The following PLXND1 variants were observed in gnomAD, a reference collection of about 807,000 sequenced individuals.
PLXND1 encodes the protein plexin D1.
PLXND1 carries 54 observed loss-of-function variants against 197.7 expected under a neutral mutation model. The observed-to-expected ratio is 0.27, with a 90% confidence interval of 0.22 to 0.34. The LOEUF is 0.34. PLXND1 is among the 10% of genes least tolerant of loss of function. The probability of loss-of-function intolerance (pLI) is 1.00; values close to 1 mark genes in which losing one functional copy is unlikely to be tolerated. For synonymous variants in PLXND1, 1,180 were observed against 1,161.2 expected (o/e 1.02, Z -0.33); for missense variants, 2,127 against 2,699.2 (o/e 0.79, Z 4.70).
intron 8 of PLXND1, 25 bp downstream of exon 8, chr3:129,583,542 G>A (rs532200116): frequency 2.1e-5 from 31 of 1,497,712 alleles, no homozygotes; most frequent in Admixed American, 1.1e-4. Flanking sequence ...CAGCAGAGGC[G>A]GAGGGGCCCC....
rs151013320 is a variant in PLXND1 at position 129,586,175 on chromosome 3, G to A, written c.1718C>T (p.Thr573Met). The change falls in exon 4 of 36, where the codon ACG becomes ATG. Residue 573 changes from threonine to methionine, a missense_variant. Around this residue, in one of 6 missense-constraint regions of PLXND1, gnomAD observed 1,095 missense variants for 1,259.8 expected, o/e 0.87. Coordinates refer to ENST00000324093, the MANE Select transcript of PLXND1 (RefSeq NM_015103.3). The stretch of plus-strand genomic sequence containing the variant: ...TGTTGCTGGTGTCCAGCCTCACCGC[G>A]TCTCCAGGGCACACCAGCCGCAGTA... The part of the protein sequence containing the change: ...DAYCGWCALE[T>M]RCTLQQDCTN... The A allele has an allele frequency of 5.5e-5, 89 of 1,607,034 alleles. No individual in the cohort carries two copies. The African/African-American group carries it at 7.7e-4, about 14-fold the overall frequency.
Position 129,594,478 on chromosome 3 carries a change from T to A in PLXND1, c.1312-4951A>T, listed in dbSNP as rs184163021. Reference sequence around the variant, plus strand: ...CAGTCTGGGTGACAGAGACCCTGTCTCGAAAAAATAAAAATAAAAAAACTG... The same window carrying A: ...CAGTCTGGGTGACAGAGACCCTGTCACGAAAAAATAAAAATAAAAAAACTG... On this transcript the variant is annotated intron_variant, in intron 1 of 35. Transcript: ENST00000324093. 8.9e-4 allele frequency among the ~76,000 whole-genome samples: 136 copies of A among 152,124 alleles called. 4 individuals carry two copies. The East Asian group carries it at 0.019, about 22-fold the overall frequency.
chr3:129,604,706 ACCTGCGTCC>A (rs1373345257), intron 1 of PLXND1, among the ~76,000 whole-genome samples: 2 of 152,140 alleles, frequency 1.3e-5, no homozygotes, highest in Non-Finnish European at 2.9e-5. Context: ...ATGCCCAAAT[ACCTGCGTCC>A]CCTGCCACGC....
chr3:129,597,966 G>A (rs946737744), intron 1 of PLXND1, among the ~76,000 whole-genome samples: 1 of 152,150 alleles, frequency 6.6e-6, no homozygotes, highest in Non-Finnish European at 1.5e-5. Flanking sequence ...CCGGGTGAGC[G>A]CCTCCGCCCC....
In PLXND1 at chr3:129,605,625, T is replaced by G; in HGVS notation, c.1015A>C (p.Ile339Leu). The part of the protein sequence containing the change: ...GDAKKLTESY[I>L]QLGLQCAGGA... ...CCCGCGCACTGCAAGCCCAACTGGATGTAGGACTCGGTGAGCTTCTTGGCG... is the reference window on the plus strand; with the variant it reads ...CCCGCGCACTGCAAGCCCAACTGGAGGTAGGACTCGGTGAGCTTCTTGGCG... Residue 339 changes from isoleucine to leucine, a missense_variant, in exon 1 of 36, where the codon ATC (isoleucine) becomes CTC (leucine). By Grantham distance (5) the Ile-to-Leu change is conservative. Coordinates refer to ENST00000324093, the MANE Select transcript of PLXND1 (RefSeq NM_015103.3). The G allele has an allele frequency of 6.5e-7, 1 of 1,537,534 alleles. No individual in the cohort carries two copies. The highest frequency in any genetic ancestry group is 1.2e-5 in the South Asian group (1 of 83,880).
intron 8 of PLXND1, among the ~76,000 whole-genome samples, chr3:129,579,896 C>T (rs1013566406): frequency 1.3e-5 from 2 of 152,178 alleles, no homozygotes; most frequent in Non-Finnish European, 2.9e-5. Flanking sequence ...AGCCCAAAAC[C>T]GGACCTCGAG....
chr3:129,567,790 C>A lies in PLXND1; in HGVS notation c.3881G>T (p.Cys1294Phe). Reference sequence around the variant, plus strand: ...ACGCTCAGCACGTCGGCTCTTGGTACAGAAGACGAACAGGGCTGCGGGCAG... The same window carrying A: ...ACGCTCAGCACGTCGGCTCTTGGTAAAGAAGACGAACAGGGCTGCGGGCAG... The part of the protein sequence containing the change: ...LLSVVALFVF[C>F]TKSRRAERYW... Residue 1294 changes from cysteine (C) to phenylalanine (F), a missense_variant, in exon 21 of 36, where the codon TGT (cysteine) becomes TTT (phenylalanine). Transcript: ENST00000324093. 2 of 1,611,398 alleles carry A rather than the reference C, an allele frequency of 1.2e-6. No homozygotes were observed. The highest frequency in any genetic ancestry group is 1.7e-6 in the Non-Finnish European group (2 of 1,177,698).
intron 8 of PLXND1, among the ~76,000 whole-genome samples, chr3:129,579,252 G>C (rs1229349465): frequency 2.0e-5 from 3 of 152,176 alleles, no homozygotes; most frequent in Non-Finnish European, 1.5e-5. Flanking sequence ...AGCTGCCTGA[G>C]GGCGGAGGAC....
chr3:129,562,935 G>A lies in PLXND1; in HGVS notation c.4677C>T (p.Asn1559=), dbSNP rs767882412. Residue 1559 remains asparagine (N), a synonymous_variant, in exon 27 of 36, where the codon AAC becomes AAT. Coordinates refer to ENST00000324093, the MANE Select transcript of PLXND1 (RefSeq NM_015103.3). ...CCATGCCACAGCCCTGGAAGGACAC[G>A]TTCAGGTTCTGCAGGGGGAGAGTGG... ...ENIEAKPRNL[N]VSFQGCGMDS... 6.9e-5 allele frequency: 111 copies of A among 1,603,274 alleles called. No individual in the cohort carries two copies. The South Asian group carries it at 9.6e-4, about 14-fold the overall frequency.
In PLXND1 at chr3:129,598,654, C is replaced by T. The variant is rs564753712; in HGVS notation, c.1311+6675G>A. 3.3e-5 allele frequency among the ~76,000 whole-genome samples: 5 copies of T among 152,252 alleles called. No individual in the cohort carries two copies. The South Asian group carries it at 8.3e-4, about 25-fold the overall frequency. On this transcript the variant is annotated intron_variant, in intron 1 of 35. Transcript: ENST00000324093. ...TCACTGCTTCTCACAGGGGCCTCGG[C>T]GGACGCAGAAGTTCCCTGGGTCTCA... is the stretch of plus-strand genomic sequence containing the variant.
chr3:129,584,063 A>C (rs964150836), intron 7 of PLXND1, 62 bp downstream of exon 7: 2 of 1,089,966 alleles, frequency 1.8e-6, no homozygotes, highest in Non-Finnish European at 2.8e-6. Flanking sequence ...GAAAGCAAAG[A>C]CCCTTCCCGG....
rs151293415 is a variant in PLXND1, at chr3:129,570,810, C to A, written c.3726G>T (p.Ala1242=). 6.2e-7 allele frequency: 1 copy of A among 1,614,160 alleles called. No individual in the cohort carries two copies. The highest frequency in any genetic ancestry group is 1.1e-5 in the South Asian group (1 of 91,088). Residue 1242 remains alanine, a synonymous_variant, in exon 19 of 36, where the codon GCG becomes GCT. Transcript: ENST00000324093. The part of the protein sequence containing the change: ...IHCSVNESLG[A]AVGQLPITIQ... ...CTGTGATGGGCAGCTGCCCCACGGCCGCGCCCAGGGACTCGTTGACCGAGC... is the reference window on the plus strand; with the variant it reads ...CTGTGATGGGCAGCTGCCCCACGGCAGCGCCCAGGGACTCGTTGACCGAGC...
intron 25 of PLXND1, among the ~76,000 whole-genome samples, chr3:129,564,967 T>A (rs113019412): frequency 2.8e-4 from 42 of 152,344 alleles, no homozygotes; most frequent in African/African-American, 9.4e-4. Context: ...TGTATTTTGT[T>A]TCCACGTCTC....
Position 129,565,325 on chromosome 3 carries a change from C to A in PLXND1, c.4521+15G>T, listed in dbSNP as rs376280166. The A allele has an allele frequency of 2.5e-6, 4 of 1,610,528 alleles. No individual in the cohort carries two copies. In the African/African-American group the frequency reaches 5.3e-5, roughly 22 times the overall value. On this transcript the variant is annotated intron_variant, in intron 25 of 35. Transcript: ENST00000324093. ...GTCCCCCGCCTGGGCTCTGTCTGTC[C>A]CCAGGCAGCCTCACCCGCAGACAGC...
At chr3:129,582,563 G>A (rs974888903) in intron 8 of PLXND1, among the ~76,000 whole-genome samples, 3 of 152,206 alleles carry the variant, frequency 2.0e-5, no homozygotes, top group Admixed American at 6.5e-5. Context: ...GGGACGAGCT[G>A]TGATCTCAGG....
chr3:129,594,237 T>C (rs1369082811), intron 1 of PLXND1, among the ~76,000 whole-genome samples: 1 of 152,240 alleles, frequency 6.6e-6, no homozygotes, highest in Non-Finnish European at 1.5e-5. Flanking sequence ...TTTGATTGTT[T>C]ATGATCCTGG....
rs1220705300 is a variant in PLXND1 at position 129,586,163 on chromosome 3, C to T, written c.1721+9G>A. On this transcript the variant is annotated intron_variant, in intron 4 of 35. Transcript: ENST00000324093. ...TCCTGGTCCAGCTGTTGCTGGTGTC[C>T]AGCCTCACCGCGTCTCCAGGGCACA... 6.2e-7 allele frequency: 1 copy of T among 1,609,078 alleles called. No individual in the cohort carries two copies. The highest frequency in any genetic ancestry group is 1.1e-5 in the South Asian group (1 of 90,958).
At chr3:129,569,808 G>T in intron 20 of PLXND1, 35 bp downstream of exon 20, 1 of 1,229,254 alleles carries the variant, frequency 8.1e-7, no homozygotes, top group Non-Finnish European at 1.2e-6. Context: ...TGGCAAGCCT[G>T]CCCTCCAAGG....
intron 2 of PLXND1, among the ~76,000 whole-genome samples, chr3:129,587,423 C>T (rs1377826012): frequency 3.9e-5 from 6 of 152,214 alleles, no homozygotes; most frequent in African/African-American, 1.4e-4. Flanking sequence ...GGAAGCTTCT[C>T]TGGCTCTGAG....
Sources: gnomAD v4.1 joint callset for allele counts (sites outside exome capture counted in the v4.1 genomes callset) on GRCh38, gnomAD v4.1.1 for gene constraint, gnomAD v4.1.1 regional missense constraint, MANE v1.5 for transcripts, NCBI Gene and HGNC (gene_info 2026-07-23, HGNC 2026-07-21) for gene names.